SH3BGRL: variants seen among roughly 807,000 people sequenced by gnomAD.
SH3BGRL encodes the protein SH3 domain binding glutamate rich protein like.
SH3BGRL carries 7 observed loss-of-function variants against 9.8 expected under a neutral mutation model. The observed-to-expected ratio is 0.72, with a 90% confidence interval of 0.41 to 1.35. SH3BGRL has a LOEUF of 1.35. Ranked by LOEUF, SH3BGRL falls within the 40% of genes most tolerant of loss-of-function variation. The pLI is 0.01. For synonymous variants in SH3BGRL, 36 were observed against 29.1 expected (o/e 1.24, Z -0.76); for missense variants, 73 against 84.4 (o/e 0.86, Z 0.53).
intron 1 of SH3BGRL, among the ~76,000 whole-genome samples, 171 bp from the exon 2 acceptor site, chrX:81,276,813 C>G (rs1275937520): frequency 2.7e-5 from 3 of 111,427 alleles, no homozygotes; most frequent in African/African-American, 9.8e-5. Context: ...GGACCAAAAG[C>G]TCTTCAATAT....
chrX:81,262,109 T>G (rs896705142), intron 1 of SH3BGRL, among the ~76,000 whole-genome samples: 1 of 111,534 alleles, frequency 9.0e-6, no homozygotes, highest in Non-Finnish European at 1.9e-5. Flanking sequence ...GCCACCTTAC[T>G]TTTCTCAAAC....
At chrX:81,278,551 C>G in intron 3 of SH3BGRL, 140 bp downstream of exon 3, 1 of 431,056 alleles carries the variant, frequency 2.3e-6, no homozygotes, top group Non-Finnish European at 4.1e-6. Context: ...TTCTCTGCAT[C>G]CACTTAATTC....
At chrX:81,277,854 G>T (rs1254672194) in intron 2 of SH3BGRL, among the ~76,000 whole-genome samples, 1 of 111,988 alleles carries the variant, frequency 8.9e-6, no homozygotes, top group Non-Finnish European at 1.9e-5. Context: ...CAGAAGCCTT[G>T]CCTCTTTATT....
chrX:81,226,031 A>G (rs187428567), intron 1 of SH3BGRL, among the ~76,000 whole-genome samples: 1 of 111,340 alleles, frequency 9.0e-6, no homozygotes, highest in East Asian at 2.8e-4. Context: ...TATTCTTCCT[A>G]TCTAACGGTA....
intron 1 of SH3BGRL, among the ~76,000 whole-genome samples, chrX:81,236,564 A>C (rs2075648626): frequency 9.0e-6 from 1 of 111,463 alleles, no homozygotes; most frequent in African/African-American, 3.3e-5. Flanking sequence ...TTAAATTTGG[A>C]TCCATGGGAA....
intron 1 of SH3BGRL, among the ~76,000 whole-genome samples, chrX:81,219,762 A>G (rs1005561095): frequency 9.9e-5 from 11 of 111,365 alleles, no homozygotes; most frequent in Admixed American, 8.6e-4. Context: ...TGATTCTCTC[A>G]TATATGGCTT....
chrX:81,234,604 C>G (rs1047269437), intron 1 of SH3BGRL, among the ~76,000 whole-genome samples: 1 of 111,883 alleles, frequency 8.9e-6, no homozygotes, highest in African/African-American at 3.2e-5. Context: ...AGCAAGATAA[C>G]TTATGGAAAT....
chrX:81,211,732 C>G (rs1306820220), intron 1 of SH3BGRL, among the ~76,000 whole-genome samples: 3 of 111,501 alleles, frequency 2.7e-5, no homozygotes, highest in Non-Finnish European at 5.6e-5. Flanking sequence ...ACATGTTTCT[C>G]CCGTGCTGGA....
chrX:81,241,050 G>T (rs1316857394), intron 1 of SH3BGRL, among the ~76,000 whole-genome samples: 1 of 112,932 alleles, frequency 8.9e-6, no homozygotes, highest in African/African-American at 3.2e-5. Flanking sequence ...GCTCAGAAGT[G>T]CCTTTTCCCT....
intron 1 of SH3BGRL, among the ~76,000 whole-genome samples, chrX:81,251,978 C>T (rs762614878): frequency 4.5e-5 from 5 of 112,075 alleles, no homozygotes; most frequent in Non-Finnish European, 7.5e-5. Flanking sequence ...TCTACATGTT[C>T]TGGATGGCTG....
chrX:81,276,066 C>G (rs754778525), intron 1 of SH3BGRL, among the ~76,000 whole-genome samples: 1 of 110,867 alleles, frequency 9.0e-6, no homozygotes, highest in South Asian at 3.9e-4. Flanking sequence ...AAGAAACTTG[C>G]TTATTGATTA....
intron 1 of SH3BGRL, among the ~76,000 whole-genome samples, chrX:81,240,694 G>C (rs2147686670): frequency 8.9e-6 from 1 of 112,670 alleles, no homozygotes; most frequent in East Asian, 2.8e-4. Flanking sequence ...ACAACAATCT[G>C]TACAGTTATA....
chrX:81,276,556 A>G (rs1192045083), intron 1 of SH3BGRL, among the ~76,000 whole-genome samples: 2 of 111,229 alleles, frequency 1.8e-5, no homozygotes, highest in Non-Finnish European at 3.8e-5. Context: ...ATTCATTTCT[A>G]TTGCATATAC....
chrX:81,224,917 G>A (rs2075612056), intron 1 of SH3BGRL, among the ~76,000 whole-genome samples: 1 of 109,956 alleles, frequency 9.1e-6, no homozygotes, highest in Non-Finnish European at 1.9e-5. Flanking sequence ...AAACCACGAA[G>A]GAGGCGCTAT....
chrX:81,295,895 T>C (rs1044863518), intron 3 of SH3BGRL, among the ~76,000 whole-genome samples: 1 of 111,672 alleles, frequency 9.0e-6, no homozygotes, highest in Non-Finnish European at 1.9e-5. Context: ...GCCCTCCAAA[T>C]TGTACCAACC....
intron 1 of SH3BGRL, among the ~76,000 whole-genome samples, chrX:81,267,114 G>A (rs1030893153): frequency 8.9e-6 from 1 of 111,890 alleles, no homozygotes; most frequent in African/African-American, 3.3e-5. Context: ...GGGCTGAGAC[G>A]ATGGGGTTTT....
chrX:81,215,256 A>G (rs1278581238), intron 1 of SH3BGRL, among the ~76,000 whole-genome samples: 1 of 110,769 alleles, frequency 9.0e-6, no homozygotes, highest in Non-Finnish European at 1.9e-5. Flanking sequence ...GTATGTGCAC[A>G]TACATGTACC....
At chrX:81,291,352 T>G (rs2075857594) in intron 3 of SH3BGRL, among the ~76,000 whole-genome samples, 2 of 111,236 alleles carry the variant, frequency 1.8e-5, no homozygotes, top group South Asian at 7.7e-4. Context: ...AGCAAGCACA[T>G]CTACACTTGT....
At chrX:81,296,993 G>T (rs2075877375) in intron 3 of SH3BGRL, among the ~76,000 whole-genome samples, 1 of 111,670 alleles carries the variant, frequency 9.0e-6, no homozygotes, top group African/African-American at 3.3e-5. Context: ...CATTAGGAAT[G>T]ATTAGGTAGT....
Sources: gnomAD v4.1 joint callset for allele counts (sites outside exome capture counted in the v4.1 genomes callset) on GRCh38, gnomAD v4.1.1 for gene constraint, MANE v1.5 for transcripts, NCBI Gene and HGNC (gene_info 2026-07-23, HGNC 2026-07-21) for gene names.